Variants in PTPRD observed in about 807,000 individuals in gnomAD.
PTPRD encodes the protein receptor-type tyrosine-protein phosphatase delta.
A neutral mutation model predicts 214.5 loss-of-function variants in PTPRD; 34 were observed. The ratio of observed to expected loss-of-function variants is 0.16; its 90% CI spans 0.12 to 0.21. The LOEUF is 0.21. PTPRD is among the 10% of genes least tolerant of loss of function. PTPRD has a pLI of 1.00. For missense variants in PTPRD, 2,545 were observed against 2,398.7 expected, an observed-to-expected ratio of 1.06 and a Z score of -1.27; for synonymous variants, 1,128 against 845.7, an observed-to-expected ratio of 1.33 and a Z score of -5.79.
At chr9:9,325,364 TC>T (rs754667019) in intron 9 of PTPRD, among the ~76,000 whole-genome samples, 2,596 of 152,300 alleles carry the variant, frequency 0.017, 74 homozygotes, top group African/African-American at 0.06. Context: ...CTTTTTTATT[TC>T]ATTGAGCAGT....
chr9:9,456,264 T>C (rs954853179), intron 8 of PTPRD, among the ~76,000 whole-genome samples: 2 of 151,826 alleles, frequency 1.3e-5, no homozygotes, highest in African/African-American at 4.8e-5. Context: ...AGTGGACTGA[T>C]CTGATTATTG....
At chr9:9,634,787 A>T (rs937777896) in intron 7 of PTPRD, among the ~76,000 whole-genome samples, 1 of 152,140 alleles carries the variant, frequency 6.6e-6, no homozygotes, top group South Asian at 2.1e-4. Context: ...TAAGTGTATA[A>T]TATAACATCC....
At chr9:10,369,472 C>T (rs185874698) in intron 2 of PTPRD, among the ~76,000 whole-genome samples, 17 of 151,920 alleles carry the variant, frequency 1.1e-4, no homozygotes, top group East Asian at 3.9e-4. Context: ...TGTATCCATA[C>T]GAACAGCCAC....
At chr9:8,655,739 CTTTT>C (rs150786854) in intron 12 of PTPRD, among the ~76,000 whole-genome samples, 2 of 143,086 alleles carry the variant, frequency 1.4e-5, no homozygotes, top group African/African-American at 5.1e-5. Flanking sequence ...TTCCCACTTG[CTTTT>C]TTTTTTTTTC....
At chr9:8,397,149 A>G (rs2091385579) in intron 36 of PTPRD, among the ~76,000 whole-genome samples, 1 of 152,158 alleles carries the variant, frequency 6.6e-6, no homozygotes, top group Non-Finnish European at 1.5e-5. Flanking sequence ...GATGGGATAT[A>G]CATTCTAACA....
At chr9:9,024,000 G>T (rs562384388) in intron 10 of PTPRD, among the ~76,000 whole-genome samples, 1 of 150,398 alleles carries the variant, frequency 6.6e-6, no homozygotes, top group Admixed American at 6.7e-5. Flanking sequence ...TTTTATTTTT[G>T]TAAAAATAAT....
At chr9:9,044,659 C>A (rs1453142898) in intron 10 of PTPRD, among the ~76,000 whole-genome samples, 1 of 152,190 alleles carries the variant, frequency 6.6e-6, no homozygotes. Context: ...TTATCAGGAC[C>A]TATCAAGTCA....
chr9:9,015,237 G>A (rs532819112), intron 11 of PTPRD, among the ~76,000 whole-genome samples: 2 of 152,230 alleles, frequency 1.3e-5, no homozygotes, highest in South Asian at 4.1e-4. Flanking sequence ...TATTCTCAGA[G>A]GGTTAAGGCA....
intron 11 of PTPRD, among the ~76,000 whole-genome samples, chr9:8,794,138 A>G (rs2096331605): frequency 2.0e-5 from 3 of 152,060 alleles, no homozygotes; most frequent in South Asian, 4.2e-4. Flanking sequence ...TTCCCCCTGT[A>G]TTTGTGGAAA....
intron 5 of PTPRD, among the ~76,000 whole-genome samples, chr9:9,835,482 G>A (rs139278247): frequency 2.0e-5 from 3 of 152,136 alleles, no homozygotes; most frequent in African/African-American, 7.2e-5. Context: ...TTGTATTGTT[G>A]GCACACTGGA....
At chr9:9,981,358 T>TTTC (rs1566906135) in intron 4 of PTPRD, among the ~76,000 whole-genome samples, 139 of 151,200 alleles carry the variant, frequency 9.2e-4, no homozygotes, top group African/African-American at 3.2e-3. Flanking sequence ...TAAACAATTT[T>TTTC]TTTTTTTTTT....
intron 9 of PTPRD, among the ~76,000 whole-genome samples, chr9:9,190,087 A>C (rs2099934171): frequency 6.6e-6 from 1 of 152,110 alleles, no homozygotes; most frequent in Non-Finnish European, 1.5e-5. Flanking sequence ...TCCAAAGTTC[A>C]TGTGTTGGAA....
At chr9:9,832,893 G>GT (rs34993342) in intron 5 of PTPRD, among the ~76,000 whole-genome samples, 216 of 145,140 alleles carry the variant, frequency 1.5e-3, no homozygotes, top group East Asian at 5.9e-3. Context: ...TTTTTTCTAT[G>GT]TTTTTTTTTT....
At chr9:10,569,070 T>G (rs775064063) in intron 2 of PTPRD, among the ~76,000 whole-genome samples, 3 of 151,458 alleles carry the variant, frequency 2.0e-5, no homozygotes, top group Non-Finnish European at 2.9e-5. Context: ...TCAAACAAAT[T>G]TACAAGAAAA....
chr9:10,221,494 G>A (rs1262585433), intron 3 of PTPRD, among the ~76,000 whole-genome samples: 1 of 151,876 alleles, frequency 6.6e-6, no homozygotes, highest in Admixed American at 6.6e-5. Context: ...CAGTTTTTAA[G>A]GTTCTCTGCA....
chr9:9,817,911 T>A (rs1350817879), intron 5 of PTPRD, among the ~76,000 whole-genome samples: 1 of 152,192 alleles, frequency 6.6e-6, no homozygotes, highest in African/African-American at 2.4e-5. Context: ...ATGTACAGGA[T>A]ACTCCACCAT....
At chr9:10,356,701 G>A (rs545608599) in intron 2 of PTPRD, among the ~76,000 whole-genome samples, 1 of 150,090 alleles carries the variant, frequency 6.7e-6, no homozygotes, top group Non-Finnish European at 1.5e-5. Context: ...TTTTTTTTGA[G>A]ACAGAGTCTC....
intron 10 of PTPRD, among the ~76,000 whole-genome samples, chr9:9,095,264 CACA>C (rs1402751056): frequency 1.3e-5 from 2 of 151,942 alleles, no homozygotes; most frequent in Admixed American, 6.6e-5. Context: ...ATAACAACAG[CACA>C]ACAACTATAA....
intron 10 of PTPRD, among the ~76,000 whole-genome samples, chr9:9,096,472 G>T (rs1313691958): frequency 1.3e-5 from 2 of 152,120 alleles, no homozygotes; most frequent in Non-Finnish European, 2.9e-5. Context: ...TTTGTATACT[G>T]ATTAGACATT....
Sources: gnomAD v4.1 joint callset for allele counts (sites outside exome capture counted in the v4.1 genomes callset) on GRCh38, gnomAD v4.1.1 for gene constraint, MANE v1.5 for transcripts, NCBI Gene and HGNC (gene_info 2026-07-23, HGNC 2026-07-21) for gene names.